Variants in TTC29 observed in about 807,000 individuals in gnomAD.
TTC29 encodes the protein tetratricopeptide repeat protein 29.
In TTC29, 49 loss-of-function variants were observed where a neutral mutation model predicts 58.1. That is an observed-to-expected ratio of 0.84 (90% CI 0.67 to 1.07). The LOEUF is 1.07. TTC29 is among the 50% of genes least tolerant of loss of function. The pLI is 0.00. For missense variants in TTC29, 582 were observed against 555.6 expected, an observed-to-expected ratio of 1.05 and a Z score of -0.48; for synonymous variants, 209 against 196.8, an observed-to-expected ratio of 1.06 and a Z score of -0.52.
chr4:146,841,210 C>T (rs189697872), intron 8 of TTC29, among the ~76,000 whole-genome samples: 33 of 152,158 alleles, frequency 2.2e-4, no homozygotes, highest in African/African-American at 7.7e-4. Flanking sequence ...TGAAATTTGC[C>T]GCATTCAAGA....
intron 6 of TTC29, among the ~76,000 whole-genome samples, chr4:146,900,043 C>T (rs1336629984): frequency 6.6e-6 from 1 of 152,150 alleles, no homozygotes; most frequent in African/African-American, 2.4e-5. Flanking sequence ...CAGGCAAGTC[C>T]CCACTCCACT....
At chr4:146,882,190 T>C (rs1218921143) in intron 6 of TTC29, among the ~76,000 whole-genome samples, 1 of 152,140 alleles carries the variant, frequency 6.6e-6, no homozygotes, top group Non-Finnish European at 1.5e-5. Context: ...TAATTGTTGC[T>C]GCTTATGATT....
intron 8 of TTC29, among the ~76,000 whole-genome samples, chr4:146,848,804 C>T (rs1204818930): frequency 6.6e-6 from 1 of 152,186 alleles, no homozygotes; most frequent in Non-Finnish European, 1.5e-5. Flanking sequence ...TAGACCTGTA[C>T]CTGTCCCCAG....
At chr4:146,715,018 T>C (rs1052226131) in intron 11 of TTC29, among the ~76,000 whole-genome samples, 2 of 152,058 alleles carry the variant, frequency 1.3e-5, no homozygotes, top group East Asian at 1.9e-4. Flanking sequence ...AAAAAATTCT[T>C]GTAGAGATGG....
intron 11 of TTC29, among the ~76,000 whole-genome samples, chr4:146,776,134 A>G (rs1019095606): frequency 6.6e-6 from 1 of 152,180 alleles, no homozygotes; most frequent in Non-Finnish European, 1.5e-5. Flanking sequence ...CTTCAGCTCT[A>G]TCAGATAAGT....
At chr4:146,794,046 A>T (rs1291648997) in intron 11 of TTC29, among the ~76,000 whole-genome samples, 1 of 152,162 alleles carries the variant, frequency 6.6e-6, no homozygotes, top group African/African-American at 2.4e-5. Context: ...AGTAATGATA[A>T]ATTATTAAAA....
intron 4 of TTC29, among the ~76,000 whole-genome samples, chr4:146,916,125 T>A (rs762052958): frequency 4.5e-4 from 68 of 151,926 alleles, no homozygotes; most frequent in Non-Finnish European, 7.5e-4. Flanking sequence ...TTCCTTGGAA[T>A]AAAGTGAATC....
At chr4:146,817,024 G>GTTTATAAAGATAGT (rs1448711917) in intron 10 of TTC29, among the ~76,000 whole-genome samples, 2 of 152,178 alleles carry the variant, frequency 1.3e-5, no homozygotes, top group Admixed American at 6.5e-5. Context: ...AGTACCTCAA[G>GTTTATAAAGATAGT]ACAGGGATGC....
At chr4:146,878,167 A>T (rs1404595483) in intron 6 of TTC29, among the ~76,000 whole-genome samples, 1 of 152,194 alleles carries the variant, frequency 6.6e-6, no homozygotes, top group Non-Finnish European at 1.5e-5. Context: ...TGACTACAGA[A>T]GGCAACCTTG....
chr4:146,718,361 C>T (rs1393677236), intron 11 of TTC29, among the ~76,000 whole-genome samples: 1 of 152,098 alleles, frequency 6.6e-6, no homozygotes, highest in Non-Finnish European at 1.5e-5. Flanking sequence ...CCCTTTTCTC[C>T]ACCTCCTTGC....
At chr4:146,878,371 G>A (rs1731412610) in intron 6 of TTC29, among the ~76,000 whole-genome samples, 1 of 152,094 alleles carries the variant, frequency 6.6e-6, no homozygotes, top group Admixed American at 6.6e-5. Flanking sequence ...ACTCTTTCCT[G>A]AAGGCCTATT....
At chr4:146,841,512 T>C (rs1728850349) in intron 8 of TTC29, among the ~76,000 whole-genome samples, 2 of 152,164 alleles carry the variant, frequency 1.3e-5, no homozygotes, top group South Asian at 2.1e-4. Flanking sequence ...TTCTAGAATG[T>C]AACCTATTTG....
chr4:146,846,114 A>G lies in TTC29; in HGVS notation c.886-12217T>C, dbSNP rs187296831. On this transcript the variant is annotated intron_variant, in intron 8 of 12. Transcript: ENST00000325106. ...TGACTTTTGCATTCTACCGCATTCAATAAGAGAAAAAAAAATGACAGTTTA... is the reference window on the plus strand; with the variant it reads ...TGACTTTTGCATTCTACCGCATTCAGTAAGAGAAAAAAAAATGACAGTTTA... Among the ~76,000 whole-genome samples, 455 of 152,252 alleles carry G rather than the reference A, an allele frequency of 3.0e-3. 3 individuals are homozygous for G. Among genetic ancestry groups the G allele is most frequent in the African/African-American group, 0.01 (434 of 41,544 alleles).
chr4:146,736,885 C>A (rs1170023046), intron 11 of TTC29, among the ~76,000 whole-genome samples: 3 of 152,174 alleles, frequency 2.0e-5, no homozygotes, highest in African/African-American at 7.2e-5. Flanking sequence ...AGCCTCTGGG[C>A]TCCCTGGGAC....
At chr4:146,937,512 A>G (rs567757294) in intron 4 of TTC29, 82 bp downstream of exon 4, 1 of 911,512 alleles carries the variant, frequency 1.1e-6, no homozygotes, top group African/African-American at 1.7e-5. Flanking sequence ...AGTATATTAC[A>G]CAGGAAAATT....
chr4:146,763,020 T>C (rs972086944), intron 11 of TTC29, among the ~76,000 whole-genome samples: 2 of 152,048 alleles, frequency 1.3e-5, no homozygotes, highest in Non-Finnish European at 2.9e-5. Context: ...GCATTTTTAA[T>C]AGTTCTGCCC....
chr4:146,941,656 G>A (rs779456632), intron 2 of TTC29, among the ~76,000 whole-genome samples: 7 of 152,108 alleles, frequency 4.6e-5, no homozygotes, highest in African/African-American at 9.7e-5. Flanking sequence ...AATTTTGTTC[G>A]GTGTCCCAAT....
intron 11 of TTC29, among the ~76,000 whole-genome samples, chr4:146,746,360 G>A (rs1745549259): frequency 6.6e-6 from 1 of 152,154 alleles, no homozygotes; most frequent in Admixed American, 6.5e-5. Flanking sequence ...AATTAGAAAT[G>A]TTAAAAATAT....
chr4:146,940,152 A>C (rs1423385333), intron 2 of TTC29, among the ~76,000 whole-genome samples: 13 of 152,202 alleles, frequency 8.5e-5, no homozygotes, highest in Non-Finnish European at 7.3e-5. Context: ...AGTAGATAAG[A>C]AGAAAATTTG....
Sources: allele counts gnomAD v4.1 joint callset (sites outside exome capture counted in the v4.1 genomes callset), GRCh38; gene constraint gnomAD v4.1.1; transcripts MANE v1.5; gene names NCBI Gene and HGNC (gene_info 2026-07-23, HGNC 2026-07-21).